The following EYS variants were observed in gnomAD, a reference collection of about 807,000 sequenced individuals.
EYS encodes protein eyes shut homolog.
Under a neutral mutation model 282.1 loss-of-function variants are expected in EYS, and 250 were observed. That is an observed-to-expected ratio of 0.89 (90% CI 0.80 to 0.98). The LOEUF (loss-of-function observed/expected upper bound fraction) is 0.98. EYS is among the 50% of genes least tolerant of loss of function. The pLI is 0.00. For synonymous variants in EYS, 1,355 were observed against 1,282.9 expected, an observed-to-expected ratio of 1.06 and a Z score of -1.20; for missense variants, 4,016 against 3,709.0, an observed-to-expected ratio of 1.08 and a Z score of -2.15.
At chr6:65,586,686 T>C (rs1393960616) in intron 2 of EYS, among the ~76,000 whole-genome samples, 1 of 152,050 alleles carries the variant, frequency 6.6e-6, no homozygotes, top group African/African-American at 2.4e-5. Flanking sequence ...GGAAATATAA[T>C]TTTGATAGGA....
intron 2 of EYS, among the ~76,000 whole-genome samples, chr6:65,575,221 G>A (rs1465466731): frequency 2.0e-5 from 3 of 151,816 alleles, no homozygotes; most frequent in South Asian, 2.1e-4. Context: ...CACCTACTCC[G>A]AAGGCTGAAG....
intron 1 of EYS, among the ~76,000 whole-genome samples, chr6:65,658,462 C>T (rs766428936): frequency 6.6e-6 from 1 of 151,444 alleles, no homozygotes; most frequent in Admixed American, 6.6e-5. Context: ...AAACTTAAAA[C>T]TATTATAAAA....
intron 31 of EYS, among the ~76,000 whole-genome samples, chr6:64,177,013 A>T (rs1001246492): frequency 6.6e-6 from 1 of 151,742 alleles, no homozygotes; most frequent in African/African-American, 2.4e-5. Flanking sequence ...TGTTGTTGCT[A>T]TCAATGATAT....
At chr6:64,772,208 C>T (rs75347245) in intron 22 of EYS, among the ~76,000 whole-genome samples, 1 of 151,758 alleles carries the variant, frequency 6.6e-6, no homozygotes, top group African/African-American at 2.4e-5. Flanking sequence ...TTGGGGTAGA[C>T]TTTCATACAT....
chr6:64,798,454 G>A (rs569819708), intron 22 of EYS, among the ~76,000 whole-genome samples: 2 of 151,780 alleles, frequency 1.3e-5, no homozygotes, highest in Non-Finnish European at 2.9e-5. Context: ...AATGTGATTA[G>A]ATTAATCTAA....
chr6:64,170,428 T>C (rs1023123619), intron 31 of EYS, among the ~76,000 whole-genome samples: 35 of 152,104 alleles, frequency 2.3e-4, no homozygotes, highest in African/African-American at 7.9e-4. Flanking sequence ...AAGTCTAAAA[T>C]CAAGGCATCA....
At chr6:65,235,424 G>A (rs908708038) in intron 12 of EYS, among the ~76,000 whole-genome samples, 11 of 151,898 alleles carry the variant, frequency 7.2e-5, no homozygotes, top group African/African-American at 1.9e-4. Context: ...GACACAATAA[G>A]GAAAAAAGCT....
intron 5 of EYS, among the ~76,000 whole-genome samples, chr6:65,427,702 T>C (rs1386880682): frequency 6.6e-6 from 1 of 152,080 alleles, no homozygotes; most frequent in Non-Finnish European, 1.5e-5. Context: ...CACTGAATGC[T>C]GAATTATATC....
intron 33 of EYS, among the ~76,000 whole-genome samples, chr6:64,022,724 G>T (rs570212165): frequency 2.6e-5 from 4 of 152,182 alleles, no homozygotes; most frequent in East Asian, 1.9e-4. Context: ...GAAACAGGCT[G>T]CTGTGACTCT....
At chr6:64,219,656 T>C (rs1178695926) in intron 31 of EYS, among the ~76,000 whole-genome samples, 1 of 152,178 alleles carries the variant, frequency 6.6e-6, no homozygotes, top group Non-Finnish European at 1.5e-5. Context: ...ACCAACAGTG[T>C]AAAAGTGTTC....
Position 65,428,491 on chromosome 6 carries a change from C to T in EYS, c.863-23124G>A, listed in dbSNP as rs1232550701. On this transcript the variant is annotated intron_variant, in intron 5 of 42. Coordinates refer to ENST00000503581, the MANE Select transcript of EYS (RefSeq NM_001142800.2). ...ATCACATATTTTTCTATGAAATAGTCACTGTCATTAAACTCATTTTTTTTT... is the reference window on the plus strand; with the variant it reads ...ATCACATATTTTTCTATGAAATAGTTACTGTCATTAAACTCATTTTTTTTT... 6.6e-5 allele frequency among the ~76,000 whole-genome samples: 10 copies of T among 150,924 alleles called. No individual in the cohort carries two copies. In the South Asian group the frequency reaches 2.1e-3, roughly 32 times the overall value.
chr6:65,149,122 GT>G (rs1764551407), intron 12 of EYS, among the ~76,000 whole-genome samples: 1 of 152,066 alleles, frequency 6.6e-6, no homozygotes, highest in Non-Finnish European at 1.5e-5. Flanking sequence ...ATTCTGTTCT[GT>G]TTTACATATG....
At chr6:64,558,232 T>C (rs970312760) in intron 26 of EYS, among the ~76,000 whole-genome samples, 1 of 151,672 alleles carries the variant, frequency 6.6e-6, no homozygotes, top group Non-Finnish European at 1.5e-5. Context: ...ATTTTAATCA[T>C]GAGCATTCTG....
intron 28 of EYS, among the ~76,000 whole-genome samples, chr6:64,433,809 A>G (rs1239349237): frequency 6.6e-6 from 1 of 152,052 alleles, no homozygotes; most frequent in Non-Finnish European, 1.5e-5. Flanking sequence ...TACTTTAAAA[A>G]TACAGACTGT....
chr6:65,420,925 T>C (rs1267259386), intron 5 of EYS, among the ~76,000 whole-genome samples: 1 of 151,842 alleles, frequency 6.6e-6, no homozygotes, highest in Non-Finnish European at 1.5e-5. Context: ...AAATATTCAC[T>C]AAACTATGCT....
intron 31 of EYS, among the ~76,000 whole-genome samples, chr6:64,202,371 C>T (rs1235034853): frequency 6.6e-6 from 1 of 152,176 alleles, no homozygotes; most frequent in African/African-American, 2.4e-5. Flanking sequence ...CTCTACCCAT[C>T]ACCACTCAAC....
intron 12 of EYS, among the ~76,000 whole-genome samples, chr6:65,182,287 A>T (rs1765408194): frequency 6.6e-6 from 1 of 151,408 alleles, no homozygotes; most frequent in South Asian, 2.1e-4. Context: ...GAAAAAAGAG[A>T]ATGAAACTTA....
chr6:64,358,039 G>T (rs1267888258), intron 29 of EYS, among the ~76,000 whole-genome samples: 1 of 151,628 alleles, frequency 6.6e-6, no homozygotes, highest in African/African-American at 2.4e-5. Flanking sequence ...ATGTCTTTTG[G>T]TGACTAAAAT....
intron 12 of EYS, among the ~76,000 whole-genome samples, chr6:65,125,876 C>T (rs1775704280): frequency 6.6e-6 from 1 of 152,078 alleles, no homozygotes; most frequent in African/African-American, 2.4e-5. Flanking sequence ...ATGTGAGTAA[C>T]AAAACTTTTT....
Sources: gnomAD v4.1 joint callset for allele counts (sites outside exome capture counted in the v4.1 genomes callset) on GRCh38, gnomAD v4.1.1 for gene constraint, MANE v1.5 for transcripts, NCBI Gene and HGNC (gene_info 2026-07-23, HGNC 2026-07-21) for gene names.